Variants in RHOJ observed in about 807,000 individuals in gnomAD.
RHOJ encodes the protein ras homolog family member J, also known as rho-related GTP-binding protein RhoJ.
Under a neutral mutation model 23.4 loss-of-function variants are expected in RHOJ, and 11 were observed. That is an observed-to-expected ratio of 0.47 (90% confidence interval 0.30 to 0.78). RHOJ has a LOEUF of 0.78. RHOJ is among the 30% of genes least tolerant of loss of function. The pLI is 0.08. For missense variants in RHOJ, 254 were observed against 273.4 expected (o/e 0.93, Z 0.50); for synonymous variants, 102 against 102.7 (o/e 0.99, Z 0.04).
intron 1 of RHOJ, among the ~76,000 whole-genome samples, chr14:63,233,597 A>G (rs991172130): frequency 3.3e-5 from 5 of 152,246 alleles, no homozygotes; most frequent in Non-Finnish European, 1.5e-5. Flanking sequence ...AGATAAATTC[A>G]TCAATGTCCT....
Position 63,263,990 on chromosome 14 carries a change from T to TA in RHOJ, c.179-5120_179-5119insA, listed in dbSNP as rs200249911. On this transcript the variant is annotated intron_variant, in intron 1 of 4. Coordinates refer to ENST00000316754, the MANE Select transcript of RHOJ (RefSeq NM_020663.5). ...CTCCTCCAGAAAGCCTTTTCTTTTT[T>TA]TTTTTAATTTCAACTTTTATTTTAG... Among the ~76,000 whole-genome samples, 895 of 151,936 alleles carry TA rather than the reference T, an allele frequency of 5.9e-3. 13 individuals are homozygous for TA. The highest frequency in any genetic ancestry group is 0.02 in the African/African-American group (818 of 41,322).
intron 1 of RHOJ, among the ~76,000 whole-genome samples, chr14:63,217,266 T>G: frequency 7.9e-6 from 1 of 126,074 alleles, no homozygotes; most frequent in African/African-American, 2.8e-5. Flanking sequence ...GTCCCCAGAG[T>G]GTGATGTTCC....
In RHOJ at chr14:63,204,652, C is replaced by G; in HGVS notation, c.-218C>G. 1 of 587,308 alleles carries G rather than the reference C, an allele frequency of 1.7e-6. No individual in the cohort carries two copies. The allele number at this position is 587,308 out of a possible 1,614,324, so 36.4% of individuals were successfully genotyped here. On this transcript the variant is annotated 5_prime_UTR_variant, in exon 1 of 5. Coordinates refer to ENST00000316754, the MANE Select transcript of RHOJ (RefSeq NM_020663.5). ...CACACTGAGAGCGGAAAGGGGCAGA[C>G]CCTTTTCATAACTCCCTCAAGTGTG...
At chr14:63,271,275 T>C (rs1331501640) in intron 2 of RHOJ, among the ~76,000 whole-genome samples, 3 of 152,242 alleles carry the variant, frequency 2.0e-5, no homozygotes, top group Non-Finnish European at 4.4e-5. Context: ...AAGTTCCTTC[T>C]AGGCCTAAAA....
chr14:63,277,966 A>AACACACACACACACAC (rs34023824), intron 2 of RHOJ, among the ~76,000 whole-genome samples: 2,500 of 141,464 alleles, frequency 0.018, 72 homozygotes, highest in African/African-American at 0.056. Context: ...CAGCTACACA[A>AACACACACACACACAC]ACACACACAC....
rs559336915 is a variant in RHOJ, at chr14:63,217,194, G to A, written c.178+12147G>A. Among the ~76,000 whole-genome samples the A allele has an allele frequency of 1.3e-4, 19 of 149,452 alleles. No homozygotes were observed. The South Asian group carries it at 1.9e-3, about 15-fold the overall frequency. ...GCTGGTGCGCTGCACCCACTAACTC[G>A]TCATCTAGCATTAGGTATATCTCCC... On this transcript the variant is annotated intron_variant, in intron 1 of 4. Transcript: ENST00000316754.
chr14:63,215,361 T>A (rs2139731333), intron 1 of RHOJ, among the ~76,000 whole-genome samples: 1 of 152,290 alleles, frequency 6.6e-6, no homozygotes, highest in South Asian at 2.1e-4. Flanking sequence ...TCCAGCTGTT[T>A]TAATACAAAC....
chr14:63,277,966 A>AACACACACACACACACACACACACAC (rs34023824), intron 2 of RHOJ, among the ~76,000 whole-genome samples: 4 of 141,408 alleles, frequency 2.8e-5, no homozygotes, highest in African/African-American at 1.1e-4. Flanking sequence ...CAGCTACACA[A>AACACACACACACACACACACACACAC]ACACACACAC....
At chr14:63,227,420 A>G (rs1894615019) in intron 1 of RHOJ, among the ~76,000 whole-genome samples, 1 of 152,224 alleles carries the variant, frequency 6.6e-6, no homozygotes, top group South Asian at 2.1e-4. Flanking sequence ...ATGTGAACAA[A>G]TGGTAATACA....
At chr14:63,226,839 G>T (rs1436529898) in intron 1 of RHOJ, among the ~76,000 whole-genome samples, 5 of 152,124 alleles carry the variant, frequency 3.3e-5, no homozygotes, top group East Asian at 1.9e-4. Flanking sequence ...CAGGCAAAAA[G>T]ATCAGGTCAC....
intron 4 of RHOJ, among the ~76,000 whole-genome samples, chr14:63,287,464 A>T (rs574787422): frequency 4.9e-4 from 75 of 152,314 alleles, no homozygotes; most frequent in African/African-American, 1.8e-3. Flanking sequence ...CCTCTCAGAC[A>T]TGTCTACAGC....
chr14:63,213,217 G>A (rs1434761805), intron 1 of RHOJ, among the ~76,000 whole-genome samples: 1 of 152,192 alleles, frequency 6.6e-6, no homozygotes, highest in Non-Finnish European at 1.5e-5. Flanking sequence ...TTTAGGATAT[G>A]AATGATCTTG....
chr14:63,274,780 A>G (rs901834197), intron 2 of RHOJ, among the ~76,000 whole-genome samples: 12 of 152,194 alleles, frequency 7.9e-5, no homozygotes, highest in African/African-American at 2.9e-4. Flanking sequence ...TCACAAACCC[A>G]GAGAATTTCT....
chr14:63,288,528 G>A (rs557153249), intron 4 of RHOJ, among the ~76,000 whole-genome samples: 2 of 152,352 alleles, frequency 1.3e-5, no homozygotes, highest in South Asian at 2.1e-4. Flanking sequence ...TTTCACATGT[G>A]TTTGAATCAA....
chr14:63,222,751 A>C (rs567765788), intron 1 of RHOJ, among the ~76,000 whole-genome samples: 75 of 152,202 alleles, frequency 4.9e-4, no homozygotes, highest in African/African-American at 1.6e-3. Flanking sequence ...GTAGATTGCA[A>C]AAATTTTCTC....
intron 1 of RHOJ, among the ~76,000 whole-genome samples, chr14:63,234,152 A>G (rs959135536): frequency 2.0e-5 from 3 of 152,088 alleles, no homozygotes; most frequent in Non-Finnish European, 2.9e-5. Context: ...AAGCTTCTCT[A>G]TTTCCCCAGA....
At chr14:63,288,291 T>G (rs1594780491) in intron 4 of RHOJ, 1 of 985,120 alleles carries the variant, frequency 1.0e-6, no homozygotes, top group African/African-American at 1.7e-5. Context: ...GGATGGGGAG[T>G]GCCCTGCCCC....
intron 1 of RHOJ, 45 bp from the exon 2 acceptor site, chr14:63,269,065 G>C (rs1319490160): frequency 7.2e-7 from 1 of 1,390,576 alleles, no homozygotes; most frequent in African/African-American, 1.4e-5. Context: ...ATTGAAGCTT[G>C]TGTTTATGGA....
intron 2 of RHOJ, among the ~76,000 whole-genome samples, chr14:63,275,615 T>A (rs1881691076): frequency 6.6e-6 from 1 of 152,166 alleles, no homozygotes. Flanking sequence ...TTGCCCCAAA[T>A]CCTTCCCTGC....
Sources: allele counts gnomAD v4.1 joint callset (sites outside exome capture counted in the v4.1 genomes callset), GRCh38; gene constraint gnomAD v4.1.1; transcripts MANE v1.5; gene names NCBI Gene and HGNC (gene_info 2026-07-23, HGNC 2026-07-21).